The following NIPBL variants were observed in gnomAD, a reference collection of about 807,000 sequenced individuals.
NIPBL encodes NIPBL cohesin loading factor.
In NIPBL, 19 loss-of-function variants were observed where a neutral mutation model predicts 321.8. The ratio of observed to expected loss-of-function variants is 0.06; its 90% CI spans 0.04 to 0.09. The LOEUF (loss-of-function observed/expected upper bound fraction) is 0.09. Among genes scored for constraint, NIPBL ranks in the 10% least tolerant of loss-of-function variants. NIPBL has a pLI of 1.00. For synonymous variants in NIPBL, 1,106 were observed against 1,114.1 expected (o/e 0.99, Z 0.14); for missense variants, 2,210 against 3,327.0 (o/e 0.66, Z 8.26).
At chr5:36,914,385 G>T (rs1425052989) in intron 1 of NIPBL, among the ~76,000 whole-genome samples, 1 of 150,546 alleles carries the variant, frequency 6.6e-6, no homozygotes, top group African/African-American at 2.5e-5. Context: ...TACAGGCCGA[G>T]TATCTCTAAT....
chr5:37,000,455 G>A lies in NIPBL; in HGVS notation c.3387G>A (p.Arg1129=), dbSNP rs767189407. The A allele has an allele frequency of 1.2e-6, 2 of 1,613,474 alleles. No homozygotes were observed. The highest frequency in any genetic ancestry group is 3.3e-5 in the Admixed American group (2 of 59,932). The change falls in exon 12 of 47, where the codon AGG becomes AGA. Residue 1129 remains arginine (R), a synonymous_variant. Transcript: ENST00000282516. ...ACAGAAGAAGCTCTGGGGATCATAG[G>A]AGAAGTGGCCACTCTCATGAAGGAA... is the stretch of plus-strand genomic sequence containing the variant. ...ERDRRSSGDH[R]RSGHSHEGRR... is the part of the protein sequence containing the mutation.
chr5:36,883,480 G>A (rs1745655513), intron 1 of NIPBL, among the ~76,000 whole-genome samples: 1 of 151,902 alleles, frequency 6.6e-6, no homozygotes, highest in East Asian at 1.9e-4. Flanking sequence ...CAGGTGAAAT[G>A]CACAGTTATT....
intron 1 of NIPBL, among the ~76,000 whole-genome samples, chr5:36,921,454 TCAC>T (rs1191322290): frequency 3.3e-5 from 5 of 152,226 alleles, no homozygotes; most frequent in Non-Finnish European, 2.9e-5. Flanking sequence ...GTGCCTGTCT[TCAC>T]CATTTCATGA....
At chr5:36,913,069 C>T (rs553263412) in intron 1 of NIPBL, among the ~76,000 whole-genome samples, 4 of 152,144 alleles carry the variant, frequency 2.6e-5, no homozygotes, top group East Asian at 1.9e-4. Context: ...CTAAAAGAGA[C>T]GTGATAACCA....
At chr5:37,031,786 A>T (rs556602452) in intron 32 of NIPBL, among the ~76,000 whole-genome samples, 1 of 152,372 alleles carries the variant, frequency 6.6e-6, no homozygotes, top group South Asian at 2.1e-4. Context: ...ACAGGGTATT[A>T]ATACATACAG....
chr5:36,998,910 C>G (rs1253711316), intron 11 of NIPBL, among the ~76,000 whole-genome samples: 1 of 152,074 alleles, frequency 6.6e-6, no homozygotes, highest in Non-Finnish European at 1.5e-5. Context: ...AAATTCATAC[C>G]TAATTATGAA....
intron 14 of NIPBL, 108 bp downstream of exon 14, chr5:37,001,186 GGTT>G (rs1359999336): frequency 2.3e-5 from 17 of 751,952 alleles, no homozygotes; most frequent in Non-Finnish European, 3.5e-5. Flanking sequence ...ATCATATACT[GGTT>G]GTTGTTGTGA....
chr5:36,944,216 T>C (rs889875352), intron 1 of NIPBL, among the ~76,000 whole-genome samples: 4 of 151,844 alleles, frequency 2.6e-5, no homozygotes, highest in African/African-American at 7.3e-5. Context: ...TGTGGAAAAA[T>C]TGATGATGCA....
chr5:36,964,552 C>T (rs1314459660), intron 6 of NIPBL, among the ~76,000 whole-genome samples: 3 of 152,054 alleles, frequency 2.0e-5, no homozygotes, highest in Non-Finnish European at 4.4e-5. Flanking sequence ...GGATTAAATA[C>T]TTAAATCTGA....
intron 1 of NIPBL, among the ~76,000 whole-genome samples, chr5:36,942,608 G>A (rs1315356774): frequency 6.6e-6 from 1 of 151,180 alleles, no homozygotes; most frequent in Admixed American, 6.6e-5. Context: ...GGGGGTGGTG[G>A]TGCACACCTG....
chr5:37,008,157 A>T, intron 19 of NIPBL, 69 bp downstream of exon 19: 1 of 1,057,144 alleles, frequency 9.5e-7, no homozygotes. Context: ...TTTAATCCAA[A>T]TTTCCAAAAA....
chr5:37,030,281 T>C (rs1335494210), intron 32 of NIPBL, among the ~76,000 whole-genome samples: 1 of 152,192 alleles, frequency 6.6e-6, no homozygotes, highest in Non-Finnish European at 1.5e-5. Context: ...TTTCCTACTT[T>C]AGTTTCTGCC....
intron 1 of NIPBL, among the ~76,000 whole-genome samples, chr5:36,927,979 G>A (rs1749494784): frequency 6.6e-6 from 1 of 151,894 alleles, no homozygotes; most frequent in Non-Finnish European, 1.5e-5. Context: ...ACCATGCCCG[G>A]CTGCAGTGAT....
chr5:36,939,134 C>G (rs1738783963), intron 1 of NIPBL, among the ~76,000 whole-genome samples: 2 of 152,166 alleles, frequency 1.3e-5, no homozygotes, highest in Admixed American at 1.3e-4. Flanking sequence ...TCCCAAATAG[C>G]TGGGACTACA....
At chr5:37,063,637 G>A (rs919899497) in intron 45 of NIPBL, among the ~76,000 whole-genome samples, 153 bp from the exon 46 acceptor site, 16 of 152,196 alleles carry the variant, frequency 1.1e-4, no homozygotes, top group African/African-American at 3.1e-4. Flanking sequence ...CCACCTGGCT[G>A]TTTACAGAAA....
intron 9 of NIPBL, among the ~76,000 whole-genome samples, chr5:36,981,385 A>C (rs996304384): frequency 6.6e-6 from 1 of 151,640 alleles, no homozygotes; most frequent in Non-Finnish European, 1.5e-5. Context: ...GGTAGACCCT[A>C]TTGTACCCTT....
intron 6 of NIPBL, among the ~76,000 whole-genome samples, chr5:36,962,996 T>C (rs1432843199): frequency 1.3e-5 from 2 of 152,140 alleles, no homozygotes; most frequent in Non-Finnish European, 2.9e-5. Context: ...TGTAATAATT[T>C]GTAGTAAAAA....
At position 36,965,605 on chromosome 5, in the gene NIPBL, CAGT is replaced by C. The variant is rs1372036550; in HGVS notation, c.610+3334_610+3336del. Among the ~76,000 whole-genome samples, 8 of 152,114 alleles carry C rather than the reference CAGT, an allele frequency of 5.3e-5. No homozygotes were observed. The South Asian group carries it at 1.5e-3, about 28-fold the overall frequency. On this transcript the variant is annotated intron_variant, in intron 6 of 46. Transcript: ENST00000282516. ...AAATAACACACAGTGTTTAATAGCT[CAGT>C]AGGGTGACTGTAGTTGACAGCAATC...
chr5:37,010,061 A>G lies in NIPBL; in HGVS notation c.4422-26A>G, dbSNP rs1159993488. 14 of 1,558,410 alleles carry G rather than the reference A, an allele frequency of 9.0e-6. No homozygotes were observed. In the Admixed American group the frequency reaches 1.8e-4, roughly 20 times the overall value. On this transcript the variant is annotated intron_variant, in intron 20 of 46. Coordinates refer to ENST00000282516, the MANE Select transcript of NIPBL (RefSeq NM_133433.4). The stretch of plus-strand genomic sequence containing the variant: ...TTAAATGAGATTATCTTGATACTCC[A>G]TACAAATTTTTTTTCTTCATTAAAG...
Sources: gnomAD v4.1 joint callset for allele counts (sites outside exome capture counted in the v4.1 genomes callset) on GRCh38, gnomAD v4.1.1 for gene constraint, MANE v1.5 for transcripts, NCBI Gene and HGNC (gene_info 2026-07-23, HGNC 2026-07-21) for gene names.